The following GRXCR1 variants were observed in gnomAD, a reference collection of about 807,000 sequenced individuals.
The protein encoded by GRXCR1 is glutaredoxin domain-containing cysteine-rich protein 1.
GRXCR1 carries 27 observed loss-of-function variants against 27.3 expected under a neutral mutation model. The ratio of observed to expected loss-of-function variants is 0.99; its 90% CI spans 0.73 to 1.37. GRXCR1 has a LOEUF of 1.37. GRXCR1 is among the 40% of genes most tolerant of loss of function. GRXCR1 has a pLI of 0.00. For synonymous variants in GRXCR1, 122 were observed against 131.1 expected (o/e 0.93, Z 0.47); for missense variants, 379 against 354.4 (o/e 1.07, Z -0.56).
intron 1 of GRXCR1, among the ~76,000 whole-genome samples, chr4:42,957,156 C>T (rs1748023495): frequency 6.6e-6 from 1 of 152,054 alleles, no homozygotes; most frequent in South Asian, 2.1e-4. Context: ...CTTTTATTCT[C>T]CCAACTTAAC....
At chr4:43,026,889 A>G in intron 3 of GRXCR1, among the ~76,000 whole-genome samples, 1 of 152,186 alleles carries the variant, frequency 6.6e-6, no homozygotes, top group East Asian at 1.9e-4. Flanking sequence ...GAAATAGCTA[A>G]TTTTTCCTGA....
intron 1 of GRXCR1, among the ~76,000 whole-genome samples, chr4:42,901,583 G>T (rs1409259940): frequency 6.6e-6 from 1 of 152,152 alleles, no homozygotes; most frequent in Non-Finnish European, 1.5e-5. Flanking sequence ...CCTATCTCAA[G>T]ATGCTTAATG....
At chr4:43,011,003 A>G (rs1490217840) in intron 2 of GRXCR1, among the ~76,000 whole-genome samples, 1 of 152,204 alleles carries the variant, frequency 6.6e-6, no homozygotes, top group Non-Finnish European at 1.5e-5. Flanking sequence ...TGGAGGAGAC[A>G]GGATTTCATG....
intron 1 of GRXCR1, among the ~76,000 whole-genome samples, chr4:42,932,246 C>A (rs1014493976): frequency 6.6e-6 from 1 of 151,740 alleles, no homozygotes; most frequent in African/African-American, 2.4e-5. Flanking sequence ...TTGATGTATG[C>A]ATTACAGTCC....
At chr4:43,011,106 T>C (rs1712735731) in intron 2 of GRXCR1, among the ~76,000 whole-genome samples, 1 of 152,188 alleles carries the variant, frequency 6.6e-6, no homozygotes, top group South Asian at 2.1e-4. Flanking sequence ...TACAGGAAGA[T>C]TCTCATCAGC....
chr4:42,903,990 A>G (rs549701449), intron 1 of GRXCR1, among the ~76,000 whole-genome samples: 44 of 152,304 alleles, frequency 2.9e-4, no homozygotes, highest in African/African-American at 9.9e-4. Flanking sequence ...TTCAGGGAAC[A>G]TAATTCGCCT....
At chr4:43,022,398 T>C (rs1713123557) in intron 3 of GRXCR1, among the ~76,000 whole-genome samples, 1 of 152,224 alleles carries the variant, frequency 6.6e-6, no homozygotes, top group Admixed American at 6.5e-5. Context: ...AGTACCATGG[T>C]AGATAATCTC....
At chr4:42,904,948 A>T (rs528081714) in intron 1 of GRXCR1, among the ~76,000 whole-genome samples, 9 of 152,290 alleles carry the variant, frequency 5.9e-5, no homozygotes, top group Middle Eastern at 3.4e-3. Context: ...TTCCTCTCAG[A>T]TAACATTTTT....
intron 2 of GRXCR1, among the ~76,000 whole-genome samples, chr4:42,966,019 G>T (rs950028114): frequency 2.0e-5 from 3 of 151,752 alleles, no homozygotes; most frequent in Non-Finnish European, 4.4e-5. Flanking sequence ...ACTAAAAAAT[G>T]AAGATGGAAG....
intron 2 of GRXCR1, among the ~76,000 whole-genome samples, chr4:43,004,164 A>G (rs904441346): frequency 3.9e-5 from 6 of 152,212 alleles, no homozygotes; most frequent in Non-Finnish European, 7.3e-5. Context: ...AGCTTCAACC[A>G]TTGCTTCAGA....
chr4:42,987,210 ATT>A (rs1703516022), intron 2 of GRXCR1, among the ~76,000 whole-genome samples: 2 of 42,368 alleles, frequency 4.7e-5, no homozygotes, highest in Non-Finnish European at 3.8e-5. Flanking sequence ...TCATATATAT[ATT>A]ATATATATAT....
intron 1 of GRXCR1, among the ~76,000 whole-genome samples, chr4:42,947,297 C>A (rs1329898966): frequency 6.6e-6 from 1 of 151,860 alleles, no homozygotes; most frequent in Non-Finnish European, 1.5e-5. Flanking sequence ...AGAGGAGTGA[C>A]CAGACATGTC....
At chr4:42,919,554 T>C (rs1746962333) in intron 1 of GRXCR1, among the ~76,000 whole-genome samples, 1 of 152,092 alleles carries the variant, frequency 6.6e-6, no homozygotes, top group African/African-American at 2.4e-5. Flanking sequence ...CAGATTGAGG[T>C]ATTTCAGATT....
chr4:42,987,241 A>ATAATTATAT (rs1276367661), intron 2 of GRXCR1, among the ~76,000 whole-genome samples: 1 of 66,466 alleles, frequency 1.5e-5, no homozygotes, highest in Non-Finnish European at 3.1e-5. Flanking sequence ...ATATATATAT[A>ATAATTATAT]ATATATAATA....
At chr4:42,934,290 G>A (rs977197865) in intron 1 of GRXCR1, among the ~76,000 whole-genome samples, 7 of 150,646 alleles carry the variant, frequency 4.6e-5, no homozygotes, top group South Asian at 4.2e-4. Context: ...TAGCATATCC[G>A]AAGTACTGTT....
chr4:42,895,646 C>A (rs116609201), intron 1 of GRXCR1, among the ~76,000 whole-genome samples: 55 of 152,158 alleles, frequency 3.6e-4, no homozygotes, highest in Admixed American at 2.0e-3. Context: ...ATGAATGGTA[C>A]CCCTTAAAGT....
chr4:42,984,375 T>C (rs1465664453), intron 2 of GRXCR1, among the ~76,000 whole-genome samples: 1 of 152,254 alleles, frequency 6.6e-6, no homozygotes, highest in African/African-American at 2.4e-5. Flanking sequence ...CATCCGGCAG[T>C]TCATCTATCT....
At chr4:43,008,087 T>A (rs181688221) in intron 2 of GRXCR1, among the ~76,000 whole-genome samples, 2 of 152,332 alleles carry the variant, frequency 1.3e-5, no homozygotes, top group African/African-American at 4.8e-5. Flanking sequence ...TTTCTTTTCA[T>A]TCTTGGAATA....
At chr4:42,905,492 T>C (rs1025874771) in intron 1 of GRXCR1, among the ~76,000 whole-genome samples, 9 of 152,234 alleles carry the variant, frequency 5.9e-5, no homozygotes, top group Non-Finnish European at 1.0e-4. Context: ...TGTGCAGACA[T>C]TTATTACATC....
Sources: allele counts gnomAD v4.1 joint callset (sites outside exome capture counted in the v4.1 genomes callset), GRCh38; gene constraint gnomAD v4.1.1; transcripts MANE v1.5; gene names NCBI Gene and HGNC (gene_info 2026-07-23, HGNC 2026-07-21).